TNNC2: variants seen among roughly 807,000 people sequenced by gnomAD.
TNNC2 encodes the protein troponin C, skeletal muscle.
TNNC2 carries 14 observed loss-of-function variants against 20.0 expected under a neutral mutation model. The observed-to-expected ratio is 0.70, with a 90% CI of 0.46 to 1.09. The LOEUF (loss-of-function observed/expected upper bound fraction) is 1.09. Ranked by LOEUF, TNNC2 falls within the 50% of genes least tolerant of loss-of-function variation. TNNC2 has a pLI of 0.00. For synonymous variants in TNNC2, 81 were observed against 77.3 expected (o/e 1.05, Z -0.25); for missense variants, 163 against 223.8 (o/e 0.73, Z 1.73).
rs529231520 is a variant in TNNC2, at chr20:45,824,280, C to T, written c.314+12G>A. The T allele has an allele frequency of 5.4e-5, 87 of 1,608,466 alleles. 1 individual carries two copies. The South Asian group carries it at 8.0e-4, about 15-fold the overall frequency. ...CTAAGCCCCTCCCTCGGCTCCCGGG[C>T]CCCCAGCGCACCTGTCGAAGATGCG... On this transcript the variant is annotated intron_variant, in intron 4 of 5. Transcript: ENST00000372555.
chr20:45,824,444 C>T, intron 3 of TNNC2, 38 bp from the exon 4 acceptor site: 1 of 1,611,382 alleles, frequency 6.2e-7, no homozygotes, highest in South Asian at 1.1e-5. Flanking sequence ...CTGAGCCCAG[C>T]CGCTGCCGCC....
Position 45,823,255 on chromosome 20 carries a change from CA to C in TNNC2, c.*92del, listed in dbSNP as rs750519370. On this transcript the variant is annotated 3_prime_UTR_variant, in exon 6 of 6. Coordinates refer to ENST00000372555, the MANE Select transcript of TNNC2 (RefSeq NM_003279.3). The surrounding 1 kb of genome is among the most constrained non-coding windows in gnomAD (Gnocchi z 4.6). ...TTTATTCCTTCCAGACAAAGACCCA[CA>C]AGGGGTCGCGCCTCCCTGGTGGGGA... is the stretch of plus-strand genomic sequence containing the variant. 15 of 1,272,504 alleles carry C rather than the reference CA, an allele frequency of 1.2e-5. No individual in the cohort carries two copies. Among genetic ancestry groups the C allele is most frequent in the Non-Finnish European group, 1.5e-5 (14 of 935,482 alleles). 78.8% of individuals were successfully genotyped at this position (1,272,504 alleles called of 1,614,324 possible).
chr20:45,824,898 A>G (rs1022730738), intron 1 of TNNC2, 64 bp from the exon 2 acceptor site: 42 of 1,586,052 alleles, frequency 2.6e-5, no homozygotes, highest in Middle Eastern at 1.7e-4. Context: ...CTCACCTCAA[A>G]GCCATTCTTC....
In TNNC2 at chr20:45,824,017, T is replaced by C; in HGVS notation, c.425A>G (p.Asn142Ser). 6.2e-7 allele frequency: 1 copy of C among 1,614,106 alleles called. No homozygotes were observed. Among genetic ancestry groups the C allele is most frequent in the Non-Finnish European group, 8.5e-7 (1 of 1,179,996 alleles). Residue 142 changes from asparagine (N) to serine (S), a missense_variant, in exon 5 of 6, where the codon AAC becomes AGC. Transcript: ENST00000372555. The part of the protein sequence containing the change: ...IESLMKDGDK[N>S]NDGRIDFDEF... ...GTCGAAGTCAATGCGGCCGTCGTTG[T>C]TCTTGTCGCCGTCTTTCATCAGAGA...
Position 45,824,817 on chromosome 20 carries a change from C to T in TNNC2, c.21G>A (p.Glu7=), listed in dbSNP as rs758747212. 1 of 1,613,930 alleles carries T rather than the reference C, an allele frequency of 6.2e-7. No homozygotes were observed. The highest frequency in any genetic ancestry group is 8.5e-7 in the Non-Finnish European group (1 of 1,179,998). ...TCTCTTCGCTGAGGTAGGACCTGGC[C>T]TCAGCCTGCTGGTCCGTCTGCAGGA... MTDQQA[E]ARSYLSEEMI... The change falls in exon 2 of 6, where the codon GAG becomes GAA. Residue 7 remains glutamate (E), a synonymous_variant. Transcript: ENST00000372555.
upstream of TNNC2, among the ~76,000 whole-genome samples, chr20:45,830,169 C>A (rs527455265): frequency 6.6e-6 from 1 of 151,056 alleles, no homozygotes; most frequent in Non-Finnish European, 1.5e-5. Flanking sequence ...CCTGTCTCTA[C>A]TAAAAATACA....
At chr20:45,832,318 AAAAT>A (rs201234697) in intron 2 of TNNC2, among the ~76,000 whole-genome samples, 12 of 152,084 alleles carry the variant, frequency 7.9e-5, no homozygotes, top group African/African-American at 2.4e-4. Context: ...TCCCTCTCTA[AAAAT>A]AAATAAATAA....
Position 45,823,250 on chromosome 20 carries a change from A to T in TNNC2, c.*98T>A. On this transcript the variant is annotated 3_prime_UTR_variant, in exon 6 of 6. Coordinates refer to ENST00000372555, the MANE Select transcript of TNNC2 (RefSeq NM_003279.3). The surrounding 1 kb of genome is among the most constrained non-coding windows in gnomAD (Gnocchi z 4.6). ...TTGCTTTTATTCCTTCCAGACAAAG[A>T]CCCACAAGGGGTCGCGCCTCCCTGG... 8.4e-7 allele frequency: 1 copy of T among 1,189,168 alleles called. No homozygotes were observed. The highest frequency in any genetic ancestry group is 1.2e-6 in the Non-Finnish European group (1 of 865,370). 73.7% of individuals were successfully genotyped at this position (1,189,168 alleles called of 1,614,324 possible). A position where few individuals can be genotyped will look rare whatever the true frequency, so the allele number is the denominator to read the frequency against.
chr20:45,827,168 C>A, intron 1 of TNNC2, 78 bp downstream of exon 1: 2 of 1,593,092 alleles, frequency 1.3e-6, no homozygotes, highest in Non-Finnish European at 1.7e-6. Context: ...TACTGCCCCA[C>A]AGAGCACCCA....
rs1179725432 is a variant in TNNC2, at chr20:45,823,456, AG to A, written c.452-78del. The A allele has an allele frequency of 1.5e-5, 21 of 1,412,694 alleles. No individual in the cohort carries two copies. Among genetic ancestry groups the A allele is most frequent in the Non-Finnish European group, 1.9e-5 (20 of 1,037,154 alleles). 87.5% of individuals were successfully genotyped at this position (1,412,694 alleles called of 1,614,324 possible). On this transcript the variant is annotated intron_variant, in intron 5 of 5. Transcript: ENST00000372555. The surrounding 1 kb of genome is among the most constrained non-coding windows in gnomAD (Gnocchi z 4.6). Reference sequence around the variant, plus strand: ...CCAGGCCAGGGCTCCAGCCACACAGAGGGGATGACTTTTTGTTTTTGTTTTT... The same window carrying A: ...CCAGGCCAGGGCTCCAGCCACACAGAGGGATGACTTTTTGTTTTTGTTTTT...
At position 45,823,856 on chromosome 20, in the gene TNNC2, A is replaced by G. The variant is rs1196580767; in HGVS notation, c.451+135T>C. The stretch of plus-strand genomic sequence containing the variant: ...GAGCGCTTCTATACCTGCCCCCAGG[A>G]GACTATGGGGAACTTGGTGAAGTTA... On this transcript the variant is annotated intron_variant, in intron 5 of 5. Transcript: ENST00000372555. The surrounding 1 kb of genome is among the most constrained non-coding windows in gnomAD (Gnocchi z 4.6). The G allele has an allele frequency of 4.3e-6, 6 of 1,409,706 alleles. No individual in the cohort carries two copies. The East Asian group carries it at 1.4e-4, about 33-fold the overall frequency. The allele number at this position is 1,409,706 out of a possible 1,614,324, so 87.3% of individuals were successfully genotyped here.
In TNNC2 at chr20:45,824,479, A is replaced by G; in HGVS notation, c.199+16T>C. Reference sequence around the variant, plus strand: ...CTCTCCCCACCATCCCCTGCCTCCGAGGGACACCCGCTCACCGTCCTCATC... The same window carrying G: ...CTCTCCCCACCATCCCCTGCCTCCGGGGGACACCCGCTCACCGTCCTCATC... On this transcript the variant is annotated intron_variant, in intron 3 of 5. Transcript: ENST00000372555. 6.2e-7 allele frequency: 1 copy of G among 1,613,106 alleles called. No homozygotes were observed. Among genetic ancestry groups the G allele is most frequent in the South Asian group, 1.1e-5 (1 of 91,064 alleles).
chr20:45,824,432 G>A (rs1982903651), intron 3 of TNNC2, 26 bp from the exon 4 acceptor site: 1 of 1,611,136 alleles, frequency 6.2e-7, no homozygotes, highest in Non-Finnish European at 8.5e-7. Flanking sequence ...GGCAGACTGA[G>A]CCTGAGCCCA....
upstream of TNNC2, among the ~76,000 whole-genome samples, chr20:45,829,049 C>G (rs942127257): frequency 2.0e-5 from 3 of 152,042 alleles, no homozygotes; most frequent in Non-Finnish European, 4.4e-5. Flanking sequence ...GGCACAATCT[C>G]GGCTCACTGC....
At chr20:45,827,716 G>A (rs528048656), upstream of TNNC2, among the ~76,000 whole-genome samples, 7 of 152,292 alleles carry the variant, frequency 4.6e-5, no homozygotes, top group Admixed American at 4.6e-4. Flanking sequence ...ACCTTGGGCC[G>A]GTAGCAGTGC....
chr20:45,832,789 A>C (rs1983153969), intron 2 of TNNC2, among the ~76,000 whole-genome samples: 1 of 152,248 alleles, frequency 6.6e-6, no homozygotes, highest in Non-Finnish European at 1.5e-5. Context: ...CTGCGGATAA[A>C]AGATAAAACA....
chr20:45,833,152 AAGAAAGAAAGAAAGAGAG>A (rs1175644359), intron 2 of TNNC2: 1 of 141,150 alleles, frequency 7.1e-6, no homozygotes, highest in African/African-American at 3.0e-5. Flanking sequence ...TCAAAAGAGA[AAGAAAGAAAGAAAGAGAG>A]AGAGAGAAAG....
At chr20:45,825,051 A>AT (rs1480045265) in intron 1 of TNNC2, among the ~76,000 whole-genome samples, 2 of 152,122 alleles carry the variant, frequency 1.3e-5, no homozygotes, top group African/African-American at 4.8e-5. Context: ...TAGTGTGATC[A>AT]TAGCTCACTG....
In TNNC2 at chr20:45,823,356, C is replaced by G. The variant is rs777709485; in HGVS notation, c.475G>C (p.Val159Leu). 6.3e-7 allele frequency: 1 copy of G among 1,590,662 alleles called. No homozygotes were observed. ...AGGCGACTGTCCACTCCTTACTGCA[C>G]GCCCTCCATCATCTTCAGGAACTCT... ...FDEFLKMMEGVQ is the reference protein window; with the variant it reads ...FDEFLKMMEGLQ Residue 159 changes from valine to leucine, a missense_variant, in exon 6 of 6, where the codon GTG becomes CTG. Coordinates refer to ENST00000372555, the MANE Select transcript of TNNC2 (RefSeq NM_003279.3). This position sits in a 1 kb window ranked among gnomAD's most constrained non-coding sequence, Gnocchi z 4.6.
Sources: allele counts gnomAD v4.1 joint callset (sites outside exome capture counted in the v4.1 genomes callset), GRCh38; gene constraint gnomAD v4.1.1; non-coding constraint Gnocchi (gnomAD v3.1); transcripts MANE v1.5; gene names NCBI Gene and HGNC (gene_info 2026-07-23, HGNC 2026-07-21).